MYO1D: variants seen among roughly 807,000 people sequenced by gnomAD.
MYO1D encodes the protein unconventional myosin-Id.
A neutral mutation model predicts 122.0 loss-of-function variants in MYO1D; 83 were observed. That is an observed-to-expected ratio of 0.68 (90% CI 0.57 to 0.82). MYO1D has a LOEUF of 0.82. Ranked by LOEUF, MYO1D falls within the 40% of genes least tolerant of loss-of-function variation. MYO1D has a pLI of 0.00. For synonymous variants in MYO1D, 464 were observed against 446.9 expected, an observed-to-expected ratio of 1.04 and a Z score of -0.48; for missense variants, 1,157 against 1,269.5, an observed-to-expected ratio of 0.91 and a Z score of 1.35.
Position 32,708,087 on chromosome 17 carries a change from T to C in MYO1D, c.2121+3901A>G, listed in dbSNP as rs1197703184. ...ACACTATGCTGAGTCCTGTGAATCC[T>C]TCTAGTGAATCATCAAAACAGGATA... is the stretch of plus-strand genomic sequence containing the variant. On this transcript the variant is annotated intron_variant, in intron 16 of 21. Transcript: ENST00000318217. Among the ~76,000 whole-genome samples the C allele has an allele frequency of 2.6e-5, 4 of 152,180 alleles. No individual in the cohort carries two copies. The East Asian group carries it at 5.8e-4, about 22-fold the overall frequency.
intron 13 of MYO1D, 140 bp downstream of exon 13, chr17:32,745,071 T>C (rs1217987782): frequency 3.4e-6 from 2 of 593,774 alleles, no homozygotes; most frequent in African/African-American, 1.9e-5. Context: ...GTTAGTTATA[T>C]GCTATTTATT....
chr17:32,613,592 G>A (rs2087731630), intron 20 of MYO1D, among the ~76,000 whole-genome samples: 1 of 152,032 alleles, frequency 6.6e-6, no homozygotes, highest in South Asian at 2.1e-4. Flanking sequence ...TAGCCAACAT[G>A]GTGAAACTCT....
Position 32,849,365 on chromosome 17 carries a change from C to T in MYO1D, c.95+27413G>A, listed in dbSNP as rs369756700. ...ATGCTGCTATAAAGACACATGCACA[C>T]GTATGTTTATTGCAGCATTATTCAC... is the stretch of plus-strand genomic sequence containing the variant. On this transcript the variant is annotated intron_variant, in intron 1 of 21. Transcript: ENST00000318217. Among the ~76,000 whole-genome samples, 4 of 147,682 alleles carry T rather than the reference C, an allele frequency of 2.7e-5. No homozygotes were observed. In the South Asian group the frequency reaches 6.4e-4, roughly 24 times the overall value.
At chr17:32,810,924 T>C (rs556690610) in intron 1 of MYO1D, among the ~76,000 whole-genome samples, 1 of 152,372 alleles carries the variant, frequency 6.6e-6, no homozygotes, top group South Asian at 2.1e-4. Context: ...TTTTAAATTC[T>C]GAATTAATTT....
Position 32,659,038 on chromosome 17 carries a change from G to A in MYO1D, c.2345+77C>T, listed in dbSNP as rs577644161. The A allele has an allele frequency of 3.3e-5, 42 of 1,291,552 alleles. No homozygotes were observed. In the African/African-American group the frequency reaches 4.1e-4, roughly 13 times the overall value. The allele number at this position is 1,291,552 out of a possible 1,614,324, so 80.0% of individuals were successfully genotyped here. A position where few individuals can be genotyped will look rare whatever the true frequency, so the allele number is the denominator to read the frequency against. ...CAGCAAATAGCTGAGTCAATATCAC[G>A]GTCTCAGACTTGTGACTTTGCATAG... On this transcript the variant is annotated intron_variant, in intron 17 of 21. Coordinates refer to ENST00000318217, the MANE Select transcript of MYO1D (RefSeq NM_015194.3).
chr17:32,545,034 T>C (rs1290316470), intron 21 of MYO1D, among the ~76,000 whole-genome samples: 1 of 152,174 alleles, frequency 6.6e-6, no homozygotes, highest in Non-Finnish European at 1.5e-5. Flanking sequence ...AGTCTCTGCT[T>C]AGTGTAGGGG....
At chr17:32,513,658 T>C (rs1909778342) in intron 21 of MYO1D, among the ~76,000 whole-genome samples, 1 of 152,162 alleles carries the variant, frequency 6.6e-6, no homozygotes, top group Admixed American at 6.5e-5. Flanking sequence ...GAAAATTCTA[T>C]TATAAAATCA....
At chr17:32,820,833 C>T (rs535651174) in intron 1 of MYO1D, among the ~76,000 whole-genome samples, 1 of 152,202 alleles carries the variant, frequency 6.6e-6, no homozygotes, top group Admixed American at 6.5e-5. Context: ...ACATTGTATA[C>T]TTTAAGTATA....
Position 32,777,044 on chromosome 17 carries a change from T to C in MYO1D, c.399-1015A>G, listed in dbSNP as rs144916062. The stretch of plus-strand genomic sequence containing the variant: ...GTGTGTGGGGGGAAACTGCTTGTGA[T>C]AAGATATGTTTGTGAAAGACTAGTA... On this transcript the variant is annotated intron_variant, in intron 3 of 21. Transcript: ENST00000318217. Among the ~76,000 whole-genome samples the C allele has an allele frequency of 1.0e-3, 159 of 152,282 alleles. 1 individual carries two copies. Among genetic ancestry groups the C allele is most frequent in the African/African-American group, 3.7e-3 (153 of 41,560 alleles).
chr17:32,653,792 A>T, intron 19 of MYO1D, 51 bp downstream of exon 19: 1 of 1,499,806 alleles, frequency 6.7e-7, no homozygotes, highest in Non-Finnish European at 9.3e-7. Context: ...AGTGAGTTTC[A>T]TCTGAATCAG....
At chr17:32,875,414 C>A (rs955944712) in intron 1 of MYO1D, among the ~76,000 whole-genome samples, 2 of 152,170 alleles carry the variant, frequency 1.3e-5, no homozygotes, top group African/African-American at 4.8e-5. Context: ...ATTAATAATT[C>A]ATTTAACCCT....
intron 20 of MYO1D, among the ~76,000 whole-genome samples, chr17:32,635,850 C>T (rs1369379840): frequency 6.6e-6 from 1 of 152,076 alleles, no homozygotes; most frequent in Admixed American, 6.6e-5. Flanking sequence ...CTTAGCTATG[C>T]CCTGTATGTT....
chr17:32,561,757 T>C (rs534643820), intron 21 of MYO1D, among the ~76,000 whole-genome samples: 33 of 150,674 alleles, frequency 2.2e-4, no homozygotes, highest in African/African-American at 8.1e-4. Context: ...ATTTTATCCA[T>C]AATACCATCT....
intron 16 of MYO1D, among the ~76,000 whole-genome samples, chr17:32,691,531 C>T (rs770054131): frequency 6.6e-6 from 1 of 151,624 alleles, no homozygotes; most frequent in Non-Finnish European, 1.5e-5. Context: ...CTCAGCCTCC[C>T]GAGTTGCTGG....
intron 1 of MYO1D, among the ~76,000 whole-genome samples, chr17:32,856,294 T>C (rs2091027139): frequency 2.0e-5 from 3 of 152,186 alleles, no homozygotes; most frequent in African/African-American, 4.8e-5. Context: ...ATCTCATCCT[T>C]TGCAGAAGAC....
intron 21 of MYO1D, among the ~76,000 whole-genome samples, chr17:32,598,670 T>A (rs532108758): frequency 6.7e-6 from 1 of 150,368 alleles, no homozygotes; most frequent in South Asian, 2.1e-4. Context: ...GTCACACAAT[T>A]TTTTTTTGGT....
intron 17 of MYO1D, among the ~76,000 whole-genome samples, chr17:32,657,449 A>T (rs925809543): frequency 6.6e-6 from 1 of 152,256 alleles, no homozygotes; most frequent in African/African-American, 2.4e-5. Context: ...AGAATATGTG[A>T]CAGAGACCAT....
rs778958762 is a variant in MYO1D, at chr17:32,760,467, T to A, written c.1181+15A>T. On this transcript the variant is annotated intron_variant, in intron 9 of 21. Transcript: ENST00000318217. Reference sequence around the variant, plus strand: ...AAAACAGGCAACAAGGTTTTAAGTATCTTTTCCAGTTTACCTGTTGTTGTC... The same window carrying A: ...AAAACAGGCAACAAGGTTTTAAGTAACTTTTCCAGTTTACCTGTTGTTGTC... The A allele has an allele frequency of 3.7e-6, 6 of 1,610,082 alleles. No individual in the cohort carries two copies. The Admixed American group carries it at 1.0e-4, about 27-fold the overall frequency.
rs149366118 is a variant in MYO1D at position 32,591,691 on chromosome 17, C to T, written c.2864+13396G>A. 6.1e-4 allele frequency among the ~76,000 whole-genome samples: 93 copies of T among 151,950 alleles called. 1 individual carries two copies. Among genetic ancestry groups the T allele is most frequent in the African/African-American group, 2.1e-3 (87 of 41,490 alleles). On this transcript the variant is annotated intron_variant, in intron 21 of 21. Transcript: ENST00000318217. ...AAAAAAAAAACAAACCTACTTTCAT[C>T]GCAATGGCATCAGCAAATTGGCCAT...
Sources: allele counts gnomAD v4.1 joint callset (sites outside exome capture counted in the v4.1 genomes callset), GRCh38; gene constraint gnomAD v4.1.1; transcripts MANE v1.5; gene names NCBI Gene and HGNC (gene_info 2026-07-23, HGNC 2026-07-21).